LINGO2: variants seen among roughly 807,000 people sequenced by gnomAD.
LINGO2 encodes leucine-rich repeat and immunoglobulin-like domain-containing nogo receptor-interacting protein 2.
Under a neutral mutation model 30.6 loss-of-function variants are expected in LINGO2, and 14 were observed. The ratio of observed to expected loss-of-function variants is 0.46; its 90% CI spans 0.30 to 0.72. The LOEUF (loss-of-function observed/expected upper bound fraction) is 0.72. Among genes scored for constraint, LINGO2 ranks in the 30% least tolerant of loss-of-function variants. The probability of loss-of-function intolerance (pLI) is 0.07; values close to 1 mark genes in which losing one functional copy is unlikely to be tolerated. For missense variants in LINGO2, 729 were observed against 751.7 expected, an observed-to-expected ratio of 0.97 and a Z score of 0.35; for synonymous variants, 317 against 288.5, an observed-to-expected ratio of 1.10 and a Z score of -1.00.
the LINGO2 span, among the ~76,000 whole-genome samples, chr9:29,201,562 CAT>C: frequency 6.6e-6 from 1 of 152,054 alleles, no homozygotes; most frequent in Non-Finnish European, 1.5e-5. Context: ...AAATCAAACT[CAT>C]ATTATATTAA....
At chr9:28,523,687 A>G (rs1820910143) in intron 1 of LINGO2, among the ~76,000 whole-genome samples, 1 of 152,188 alleles carries the variant, frequency 6.6e-6, no homozygotes. Context: ...ATTCATAATG[A>G]TTTAAAAATA....
At chr9:28,546,645 C>T (rs1266091426) in intron 1 of LINGO2, among the ~76,000 whole-genome samples, 2 of 152,136 alleles carry the variant, frequency 1.3e-5, no homozygotes, top group East Asian at 3.9e-4. Context: ...GGTTTTATGG[C>T]TGGCTTTTGG....
chr9:29,047,051 A>AAAAAAAAAAACAAAAAC, the LINGO2 span, among the ~76,000 whole-genome samples: 1 of 106,908 alleles, frequency 9.4e-6, no homozygotes, highest in Non-Finnish European at 2.0e-5. Flanking sequence ...AAAAAAAAAA[A>AAAAAAAAAAACAAAAAC]CCAAAAACAA....
chr9:28,812,390 C>G, the LINGO2 span, among the ~76,000 whole-genome samples: 1 of 151,890 alleles, frequency 6.6e-6, no homozygotes. Flanking sequence ...ATTTAAAAAT[C>G]TCTCTTTCAT....
intron 4 of LINGO2, among the ~76,000 whole-genome samples, chr9:28,291,848 T>C (rs892572898): frequency 6.6e-6 from 1 of 152,054 alleles, no homozygotes; most frequent in Non-Finnish European, 1.5e-5. Context: ...CCCAAGAAAC[T>C]TGGCAAATTC....
At chr9:29,141,447 C>A in the LINGO2 span, among the ~76,000 whole-genome samples, 2 of 151,414 alleles carry the variant, frequency 1.3e-5, no homozygotes, top group Admixed American at 1.3e-4. Flanking sequence ...GGAATCAAAA[C>A]ATATGACTAC....
At chr9:28,061,275 C>T (rs1825134937) in intron 4 of LINGO2, among the ~76,000 whole-genome samples, 1 of 150,396 alleles carries the variant, frequency 6.6e-6, no homozygotes, top group East Asian at 2.0e-4. Context: ...GTAGTGAGGC[C>T]TTCAACGTCT....
intron 1 of LINGO2, among the ~76,000 whole-genome samples, chr9:28,667,281 T>C (rs1453043004): frequency 1.3e-5 from 2 of 152,182 alleles, no homozygotes; most frequent in African/African-American, 4.8e-5. Flanking sequence ...CTTTCTCATA[T>C]TGGGTCACAT....
chr9:28,341,684 A>G (rs115230821), intron 3 of LINGO2, among the ~76,000 whole-genome samples: 1,544 of 152,192 alleles, frequency 0.01, 27 homozygotes, highest in African/African-American at 0.035. Flanking sequence ...CTTTTTCAAA[A>G]TTTAACCATA....
chr9:28,395,676 T>A (rs1822010815), intron 2 of LINGO2, among the ~76,000 whole-genome samples: 3 of 152,208 alleles, frequency 2.0e-5, no homozygotes. Context: ...AAATACCATT[T>A]ATATACTTAA....
At chr9:28,530,279 C>T (rs1034828272) in intron 1 of LINGO2, among the ~76,000 whole-genome samples, 4 of 152,090 alleles carry the variant, frequency 2.6e-5, no homozygotes, top group Non-Finnish European at 5.9e-5. Context: ...TATAACAATA[C>T]ATCACCACCA....
chr9:29,164,201 T>C, the LINGO2 span, among the ~76,000 whole-genome samples: 6,544 of 152,122 alleles, frequency 0.043, 206 homozygotes, highest in Admixed American at 0.08. Flanking sequence ...TGAGTTATCA[T>C]AAAGTGGATT....
chr9:28,810,770 T>A, the LINGO2 span, among the ~76,000 whole-genome samples: 1 of 152,164 alleles, frequency 6.6e-6, no homozygotes, highest in African/African-American at 2.4e-5. Flanking sequence ...ACAAAACAGT[T>A]GAAACTTGTT....
rs184316335 is a variant in LINGO2 at position 28,005,458 on chromosome 9, C to T, written c.-36+6897G>A. Among the ~76,000 whole-genome samples the T allele has an allele frequency of 3.3e-3, 508 of 152,230 alleles. 3 individuals carry two copies. The highest frequency in any genetic ancestry group is 0.011 in the African/African-American group (474 of 41,562). On this transcript the variant is annotated intron_variant, in intron 5 of 5. Transcript: ENST00000379992. ...TTCTTTCCCTTTCCCCTTCTCTTGC[C>T]AGTCTTTTTCCCTCTACTTTTCTTC...
At position 28,174,898 on chromosome 9, in the gene LINGO2, C is replaced by G. The variant is rs973104652; in HGVS notation, c.-87+120310G>C. On this transcript the variant is annotated intron_variant, in intron 4 of 5. Coordinates refer to ENST00000379992, the Ensembl canonical transcript of LINGO2. ...AGAGAGAGAAAGAGAATTTGTGTCT[C>G]TGTGTGTGTGTGTGTGTGTGTGTGA... is the stretch of plus-strand genomic sequence containing the variant. Among the ~76,000 whole-genome samples, 5 of 141,112 alleles carry G rather than the reference C, an allele frequency of 3.5e-5. No individual in the cohort carries two copies. The South Asian group carries it at 7.0e-4, about 20-fold the overall frequency. The allele number at this position is 141,112 out of a possible 152,430, so 92.6% of individuals were successfully genotyped here.
chr9:27,992,287 G>A (rs796691227), intron 5 of LINGO2, among the ~76,000 whole-genome samples: 10 of 152,148 alleles, frequency 6.6e-5, no homozygotes, highest in African/African-American at 2.2e-4. Flanking sequence ...AAGGGCAGTG[G>A]ATACATGCAA....
chr9:28,976,294 G>A, the LINGO2 span, among the ~76,000 whole-genome samples: 2 of 152,084 alleles, frequency 1.3e-5, no homozygotes, highest in African/African-American at 4.8e-5. Flanking sequence ...ACCCTAGACA[G>A]TGATCTCAGC....
At chr9:28,993,861 C>T in the LINGO2 span, among the ~76,000 whole-genome samples, 381 of 152,152 alleles carry the variant, frequency 2.5e-3, 1 homozygote, top group Non-Finnish European at 3.6e-3. Flanking sequence ...ACTGATGGGA[C>T]GTATCTCAAA....
At chr9:29,042,280 A>T in the LINGO2 span, among the ~76,000 whole-genome samples, 2 of 151,860 alleles carry the variant, frequency 1.3e-5, no homozygotes, top group Admixed American at 1.3e-4. Context: ...TAATATAGCC[A>T]CTCTGGAAAC....
Sources: allele counts gnomAD v4.1 joint callset (sites outside exome capture counted in the v4.1 genomes callset), GRCh38; gene constraint gnomAD v4.1.1; transcripts MANE v1.5; gene names NCBI Gene and HGNC (gene_info 2026-07-23, HGNC 2026-07-21).